Variants in XKR6 observed in about 807,000 individuals in gnomAD.
The protein encoded by XKR6 is XK related 6, also known as XK-related protein 6.
Under a neutral mutation model 56.7 loss-of-function variants are expected in XKR6, and 22 were observed. The ratio of observed to expected loss-of-function variants is 0.39; its 90% CI spans 0.28 to 0.55. The LOEUF is 0.55. Among genes scored for constraint, XKR6 ranks in the 20% least tolerant of loss-of-function variants. The pLI is 0.66. For synonymous variants in XKR6, 524 were observed against 387.8 expected, an observed-to-expected ratio of 1.35 and a Z score of -4.13; for missense variants, 852 against 889.0, an observed-to-expected ratio of 0.96 and a Z score of 0.53.
rs559650437 is a variant in XKR6, at chr8:11,011,675, G to C, written c.765-86845C>G. ...TGCAGAGAAGGATAGAGCAGGGAAA[G>C]GGACAGGGAATGCCTGGGGACAGAG... On this transcript the variant is annotated intron_variant, in intron 1 of 2. Transcript: ENST00000416569. 2.6e-5 allele frequency among the ~76,000 whole-genome samples: 4 copies of C among 152,344 alleles called. No homozygotes were observed. The South Asian group carries it at 8.3e-4, about 32-fold the overall frequency.
At chr8:10,982,895 C>T (rs1393901399) in intron 1 of XKR6, among the ~76,000 whole-genome samples, 2 of 152,204 alleles carry the variant, frequency 1.3e-5, no homozygotes, top group South Asian at 2.1e-4. Context: ...GCACCAGGGA[C>T]AGCTGGCTCC....
chr8:11,133,222 C>G lies in XKR6; in HGVS notation c.764+67354G>C, dbSNP rs533904885. 3.9e-5 allele frequency among the ~76,000 whole-genome samples: 6 copies of G among 152,270 alleles called. 1 individual carries two copies. In the South Asian group the frequency reaches 1.2e-3, roughly 32 times the overall value. Reference sequence around the variant, plus strand: ...CAGAAGTAAGGTATCAAAACATGATCATTGCTCTGTTTGTAACCAGCTAGA... The same window carrying G: ...CAGAAGTAAGGTATCAAAACATGATGATTGCTCTGTTTGTAACCAGCTAGA... On this transcript the variant is annotated intron_variant, in intron 1 of 2. Coordinates refer to ENST00000416569, the MANE Select transcript of XKR6 (RefSeq NM_173683.4).
At chr8:11,041,992 T>C (rs933859065) in intron 1 of XKR6, among the ~76,000 whole-genome samples, 3 of 152,166 alleles carry the variant, frequency 2.0e-5, no homozygotes, top group African/African-American at 7.2e-5. Flanking sequence ...TAAAGTCCTC[T>C]TCCCACCCCA....
intron 1 of XKR6, among the ~76,000 whole-genome samples, chr8:10,959,334 C>T (rs1186900476): frequency 6.6e-6 from 1 of 152,132 alleles, no homozygotes; most frequent in South Asian, 2.1e-4. Context: ...GAGACCACCT[C>T]TGGGCATAGG....
intron 2 of XKR6, among the ~76,000 whole-genome samples, chr8:10,912,687 G>GTATATA (rs780977459): frequency 6.3e-4 from 84 of 132,760 alleles, no homozygotes; most frequent in Non-Finnish European, 8.7e-4. Context: ...GAGGGTGAGT[G>GTATATA]TATATATATA....
chr8:11,113,385 C>T (rs898331549), intron 1 of XKR6, among the ~76,000 whole-genome samples: 2 of 152,134 alleles, frequency 1.3e-5, no homozygotes, highest in African/African-American at 4.8e-5. Flanking sequence ...CACTCCCCTC[C>T]ACCCAAAAAA....
chr8:11,003,839 C>G (rs1415332476), intron 1 of XKR6, among the ~76,000 whole-genome samples: 1 of 152,176 alleles, frequency 6.6e-6, no homozygotes, highest in African/African-American at 2.4e-5. Flanking sequence ...GTTAATTCTG[C>G]CTGTGATGAG....
intron 1 of XKR6, among the ~76,000 whole-genome samples, chr8:11,156,188 A>C (rs1801510064): frequency 6.6e-6 from 1 of 152,194 alleles, no homozygotes; most frequent in African/African-American, 2.4e-5. Flanking sequence ...CAAGGTCAGA[A>C]TCTGCACCAA....
At chr8:11,141,759 C>T (rs1052681772) in intron 1 of XKR6, among the ~76,000 whole-genome samples, 1 of 152,188 alleles carries the variant, frequency 6.6e-6, no homozygotes, top group African/African-American at 2.4e-5. Flanking sequence ...ACTGGTGACC[C>T]TAGCCACACT....
At chr8:11,038,047 G>T (rs1399745454) in intron 1 of XKR6, among the ~76,000 whole-genome samples, 2 of 147,986 alleles carry the variant, frequency 1.4e-5, no homozygotes, top group Admixed American at 6.7e-5. Flanking sequence ...AAAAAAGATT[G>T]AATGCTAAGA....
chr8:11,143,330 C>T (rs182897697), intron 1 of XKR6, among the ~76,000 whole-genome samples: 4 of 152,240 alleles, frequency 2.6e-5, no homozygotes, highest in Admixed American at 2.6e-4. Context: ...ATGGCAAGAC[C>T]AAGTCCCTTC....
intron 1 of XKR6, among the ~76,000 whole-genome samples, chr8:11,132,219 C>G (rs1178287111): frequency 1.3e-5 from 2 of 152,132 alleles, no homozygotes; most frequent in Non-Finnish European, 1.5e-5. Context: ...GTCTTTGAGA[C>G]AAGTTATCCT....
chr8:10,903,832 G>T (rs190053678), intron 2 of XKR6, among the ~76,000 whole-genome samples: 2 of 152,268 alleles, frequency 1.3e-5, no homozygotes, highest in African/African-American at 2.4e-5. Flanking sequence ...CGTGCGGACA[G>T]AACTGTGCAC....
At chr8:11,136,542 AC>A (rs1305099034) in intron 1 of XKR6, among the ~76,000 whole-genome samples, 1 of 151,658 alleles carries the variant, frequency 6.6e-6, no homozygotes, top group Non-Finnish European at 1.5e-5. Flanking sequence ...TGAAGCCCTA[AC>A]CCCCATTGTG....
intron 1 of XKR6, among the ~76,000 whole-genome samples, chr8:11,041,568 AAAT>A (rs1270075293): frequency 6.6e-6 from 1 of 152,092 alleles, no homozygotes; most frequent in African/African-American, 2.4e-5. Flanking sequence ...AAAAAAAAAA[AAAT>A]CAACTTAGGT....
chr8:10,991,878 A>C (rs1205787369), intron 1 of XKR6, among the ~76,000 whole-genome samples: 4 of 152,192 alleles, frequency 2.6e-5, no homozygotes, highest in Admixed American at 2.0e-4. Context: ...TTTGCTTCCA[A>C]ATACAGGAAA....
intron 1 of XKR6, among the ~76,000 whole-genome samples, chr8:10,997,745 T>C (rs1318192695): frequency 1.3e-5 from 2 of 151,998 alleles, no homozygotes; most frequent in African/African-American, 4.8e-5. Flanking sequence ...TAATGAAGAA[T>C]GATGAAGACA....
intron 1 of XKR6, among the ~76,000 whole-genome samples, chr8:11,154,569 G>A (rs1801420719): frequency 6.6e-6 from 1 of 152,172 alleles, no homozygotes; most frequent in Admixed American, 6.5e-5. Context: ...AGACCTGAAG[G>A]TGGTTTTGGA....
rs1023381152 is a variant in XKR6, at chr8:11,200,921, A to C, written c.419T>G (p.Phe140Cys). 1 of 1,608,086 alleles carries C rather than the reference A, an allele frequency of 6.2e-7. No individual in the cohort carries two copies. Among genetic ancestry groups the C allele is most frequent in the African/African-American group, 1.3e-5 (1 of 74,688 alleles). ...CCACAGGTCGGTGCCCACGTCCCCGAAGAACACCAGCAGCGCCAGCACGAT... is the reference window on the plus strand; with the variant it reads ...CCACAGGTCGGTGCCCACGTCCCCGCAGAACACCAGCAGCGCCAGCACGAT... ...LWIVLALLVF[F>C]GDVGTDLWLA... Residue 140 changes from phenylalanine (F) to cysteine (C), a missense_variant, in exon 1 of 3, where the codon TTC (phenylalanine) becomes TGC (cysteine). Physicochemically the swap from Phe to Cys is radical, Grantham distance 205. This residue lies in a region of XKR6 where 417 missense variants were observed against 355.2 expected (regional missense o/e 1.17). Coordinates refer to ENST00000416569, the MANE Select transcript of XKR6 (RefSeq NM_173683.4). The surrounding 1 kb of genome is among the most constrained non-coding windows in gnomAD (Gnocchi z 6.4).
Sources: gnomAD v4.1 joint callset for allele counts (sites outside exome capture counted in the v4.1 genomes callset) on GRCh38, gnomAD v4.1.1 for gene constraint, gnomAD v4.1.1 regional missense constraint, Gnocchi (gnomAD v3.1) non-coding constraint, MANE v1.5 for transcripts, NCBI Gene and HGNC (gene_info 2026-07-23, HGNC 2026-07-21) for gene names.